The following UGGT2 variants were observed in gnomAD, a reference collection of about 807,000 sequenced individuals.
UGGT2 encodes the protein UDP-glucose:glycoprotein glucosyltransferase 2.
In UGGT2, 180 loss-of-function variants were observed where a neutral mutation model predicts 192.1. That is an observed-to-expected ratio of 0.94 (90% CI 0.83 to 1.06). UGGT2 has a LOEUF of 1.06. Among genes scored for constraint, UGGT2 ranks in the 50% least tolerant of loss-of-function variants. UGGT2 has a pLI of 0.00. For synonymous variants in UGGT2, 580 were observed against 591.0 expected (o/e 0.98, Z 0.27); for missense variants, 1,849 against 1,795.7 (o/e 1.03, Z -0.54).
intron 36 of UGGT2, among the ~76,000 whole-genome samples, chr13:95,851,744 A>G (rs1016250421): frequency 6.6e-6 from 1 of 152,222 alleles, no homozygotes; most frequent in Non-Finnish European, 1.5e-5. Flanking sequence ...ACATTTGAGT[A>G]AGGACAATCA....
chr13:95,925,141 T>TACAG (rs1403888283), intron 20 of UGGT2, among the ~76,000 whole-genome samples: 2 of 152,202 alleles, frequency 1.3e-5, no homozygotes, highest in Admixed American at 1.3e-4. Flanking sequence ...AACTTAGAAA[T>TACAG]ACAGACAGTT....
At chr13:95,906,254 G>A (rs1049275050) in intron 20 of UGGT2, among the ~76,000 whole-genome samples, 4 of 152,104 alleles carry the variant, frequency 2.6e-5, no homozygotes, top group African/African-American at 7.2e-5. Context: ...TGCATTTCTC[G>A]TTTGTTGCAG....
chr13:95,809,673 A>G, intron 38 of UGGT2: 1 of 177,288 alleles, frequency 5.6e-6, no homozygotes, highest in South Asian at 1.4e-4. Flanking sequence ...CAGCCTCAGC[A>G]CACTGAGAGA....
intron 1 of UGGT2, among the ~76,000 whole-genome samples, chr13:96,052,253 T>G (rs1008645772): frequency 2.6e-5 from 4 of 152,154 alleles, no homozygotes; most frequent in African/African-American, 9.7e-5. Flanking sequence ...CACTGATATG[T>G]GGGAACTAAG....
At chr13:95,883,552 G>A (rs907493993) in intron 27 of UGGT2, among the ~76,000 whole-genome samples, 10 of 152,088 alleles carry the variant, frequency 6.6e-5, no homozygotes, top group African/African-American at 2.4e-4. Flanking sequence ...CCCCCTTGCT[G>A]TTCTCATGGT....
Position 95,862,097 on chromosome 13 carries a change from A to G in UGGT2, c.3645-1214T>C, listed in dbSNP as rs147510669. ...TCTATTTCATTATCCCCTGTCAAAC[A>G]TACCTACCCTCCAAATCATCTCAAT... On this transcript the variant is annotated intron_variant, in intron 31 of 38. Coordinates refer to ENST00000376747, the MANE Select transcript of UGGT2 (RefSeq NM_020121.4). Among the ~76,000 whole-genome samples, 481 of 152,264 alleles carry G rather than the reference A, an allele frequency of 3.2e-3. 2 individuals carry two copies. The highest frequency in any genetic ancestry group is 0.011 in the African/African-American group (465 of 41,544).
At chr13:95,923,648 A>G (rs2048921151) in intron 20 of UGGT2, among the ~76,000 whole-genome samples, 1 of 152,244 alleles carries the variant, frequency 6.6e-6, no homozygotes, top group African/African-American at 2.4e-5. Context: ...TAATACCAAC[A>G]GTAGCAAAAA....
chr13:95,829,670 A>G (rs1886450767), intron 38 of UGGT2, among the ~76,000 whole-genome samples: 2 of 152,236 alleles, frequency 1.3e-5, no homozygotes, highest in South Asian at 2.1e-4. Context: ...GGAATAAAAG[A>G]GGACACAAAC....
intron 20 of UGGT2, among the ~76,000 whole-genome samples, chr13:95,909,814 A>AAAG (rs1225045788): frequency 6.7e-5 from 10 of 148,244 alleles, no homozygotes; most frequent in Non-Finnish European, 1.4e-4. Flanking sequence ...AAAAAAAAAA[A>AAAG]AAAAAACTGT....
chr13:95,892,991 G>A (rs2047844089), intron 24 of UGGT2, among the ~76,000 whole-genome samples: 1 of 152,132 alleles, frequency 6.6e-6, no homozygotes, highest in African/African-American at 2.4e-5. Context: ...CTTTGTCTAA[G>A]ATGTTAGAAG....
At chr13:95,806,777 C>A (rs540872028) in intron 38 of UGGT2, among the ~76,000 whole-genome samples, 1 of 152,128 alleles carries the variant, frequency 6.6e-6, no homozygotes, top group East Asian at 1.9e-4. Context: ...TCAGACCATT[C>A]AATGGGGAAA....
intron 17 of UGGT2, 125 bp from the exon 18 acceptor site, chr13:95,927,461 A>G (rs980943397): frequency 1.3e-6 from 1 of 776,358 alleles, no homozygotes; most frequent in Non-Finnish European, 1.8e-6. Flanking sequence ...ATTACAATAC[A>G]TTTTCTTTCT....
chr13:95,942,131 TCATTTTTATC>T (rs2049702551), intron 15 of UGGT2, among the ~76,000 whole-genome samples: 1 of 151,518 alleles, frequency 6.6e-6, no homozygotes, highest in Non-Finnish European at 1.5e-5. Flanking sequence ...TATATTTGTG[TCATTTTTATC>T]ATAGTTTGTT....
chr13:96,043,290 T>A (rs2053216881), intron 1 of UGGT2, among the ~76,000 whole-genome samples: 1 of 152,156 alleles, frequency 6.6e-6, no homozygotes, highest in Non-Finnish European at 1.5e-5. Flanking sequence ...GAAGGAAAGA[T>A]ACAGTCTTTT....
intron 4 of UGGT2, among the ~76,000 whole-genome samples, chr13:96,018,345 G>A (rs749648844): frequency 6.6e-5 from 10 of 151,880 alleles, no homozygotes; most frequent in African/African-American, 1.5e-4. Flanking sequence ...GCAAGACCCC[G>A]TCTCTACAAA....
chr13:95,885,560 A>T (rs543571878), intron 26 of UGGT2, among the ~76,000 whole-genome samples: 74 of 152,282 alleles, frequency 4.9e-4, no homozygotes, highest in East Asian at 3.9e-4. Flanking sequence ...AAATTCCATC[A>T]CTTTAGCCAT....
rs149340781 is a variant in UGGT2, at chr13:96,044,801, G to A, written c.158+8354C>T. Among the ~76,000 whole-genome samples, 148 of 152,082 alleles carry A rather than the reference G, an allele frequency of 9.7e-4. 1 individual carries two copies. Among genetic ancestry groups the A allele is most frequent in the African/African-American group, 3.4e-3 (140 of 41,526 alleles). ...CAACCCTCCTAGCTTAAATCAGGAA[G>A]AATTAGATACCCTGAACAGAACAAT... On this transcript the variant is annotated intron_variant, in intron 1 of 38. Transcript: ENST00000376747.
intron 1 of UGGT2, among the ~76,000 whole-genome samples, chr13:96,037,908 T>C (rs996205465): frequency 6.6e-6 from 1 of 152,248 alleles, no homozygotes; most frequent in Non-Finnish European, 1.5e-5. Context: ...TTGAAGAAAC[T>C]ACAGGCTTTT....
chr13:95,826,080 A>T (rs935202462), intron 38 of UGGT2, among the ~76,000 whole-genome samples: 1 of 152,058 alleles, frequency 6.6e-6, no homozygotes, highest in Non-Finnish European at 1.5e-5. Flanking sequence ...ATAAACTACA[A>T]ATAATGTTGT....
Sources: gnomAD v4.1 joint callset for allele counts (sites outside exome capture counted in the v4.1 genomes callset) on GRCh38, gnomAD v4.1.1 for gene constraint, MANE v1.5 for transcripts, NCBI Gene and HGNC (gene_info 2026-07-23, HGNC 2026-07-21) for gene names.